Variants in ELP4 observed in about 807,000 individuals in gnomAD.
ELP4 encodes elongator acetyltransferase complex subunit 4.
A neutral mutation model predicts 48.9 loss-of-function variants in ELP4; 51 were observed. The ratio of observed to expected loss-of-function variants is 1.04; its 90% CI spans 0.83 to 1.32. The LOEUF (loss-of-function observed/expected upper bound fraction) is 1.32. ELP4 is among the 40% of genes most tolerant of loss of function. ELP4 has a pLI of 0.00. For synonymous variants in ELP4, 210 were observed against 189.2 expected (o/e 1.11, Z -0.90); for missense variants, 519 against 514.6 (o/e 1.01, Z -0.08).
At chr11:31,627,330 C>T (rs1944768164) in intron 6 of ELP4, 136 bp downstream of exon 6, 1 of 557,600 alleles carries the variant, frequency 1.8e-6, no homozygotes, top group Non-Finnish European at 3.2e-6. Context: ...AGAACATGTA[C>T]ATAAGCAGAG....
At chr11:31,582,377 C>G (rs1957406078) in intron 3 of ELP4, among the ~76,000 whole-genome samples, 1 of 152,066 alleles carries the variant, frequency 6.6e-6, no homozygotes, top group Non-Finnish European at 1.5e-5. Flanking sequence ...GGGATTTGAC[C>G]ACGTTGATCT....
At chr11:31,632,132 A>T in intron 6 of ELP4, 85 bp from the exon 7 acceptor site, 1 of 1,126,542 alleles carries the variant, frequency 8.9e-7, no homozygotes. Context: ...CCCTGATGTT[A>T]TAAAGATAAG....
intron 2 of ELP4, among the ~76,000 whole-genome samples, chr11:31,530,871 C>T (rs1956385701): frequency 6.6e-6 from 1 of 152,150 alleles, no homozygotes; most frequent in Non-Finnish European, 1.5e-5. Context: ...ATATTATCAT[C>T]AGGTTGGTTG....
At chr11:31,699,275 T>C (rs1449677732) in intron 9 of ELP4, among the ~76,000 whole-genome samples, 3 of 152,066 alleles carry the variant, frequency 2.0e-5, no homozygotes, top group African/African-American at 7.2e-5. Flanking sequence ...CTAAAATTTG[T>C]GCCAGAAAGT....
intron 9 of ELP4, among the ~76,000 whole-genome samples, chr11:31,660,201 A>G (rs554737091): frequency 2.0e-5 from 3 of 152,262 alleles, no homozygotes; most frequent in African/African-American, 7.2e-5. Flanking sequence ...CAAACTTTTC[A>G]CTTACATATT....
Position 31,787,333 on chromosome 11 carries a change from G to A in ELP4, c.*3809G>A, listed in dbSNP as rs1948724720. The A allele has an allele frequency of 2.1e-5, 5 of 233,362 alleles. No individual in the cohort carries two copies. The highest frequency in any genetic ancestry group is 3.6e-4 in the South Asian group (2 of 5,538). The allele number at this position is 233,362 out of a possible 1,614,324, so 14.5% of individuals were successfully genotyped here. On this transcript the variant is annotated 3_prime_UTR_variant, in exon 10 of 10. Transcript: ENST00000640961. ...ACACATACAGACCCTCCGCTCCCAC[G>A]TCACTCCTTTTCTCCCATTCCCACC...
rs779454495 is a variant in ELP4, at chr11:31,607,396, C to T, written c.653+3489C>T. On this transcript the variant is annotated intron_variant, in intron 5 of 9. Transcript: ENST00000640961. ...GGCAGGTGTGGTTGTCTGGTGAGGC[C>T]AGCACTCTGCTTCCAAGATGGCACC... is the stretch of plus-strand genomic sequence containing the variant. 5.3e-5 allele frequency among the ~76,000 whole-genome samples: 8 copies of T among 152,252 alleles called. No homozygotes were observed. The South Asian group carries it at 1.2e-3, about 24-fold the overall frequency.
chr11:31,558,465 A>C (rs1057148370), intron 3 of ELP4, among the ~76,000 whole-genome samples: 12 of 152,202 alleles, frequency 7.9e-5, no homozygotes, highest in Non-Finnish European at 1.8e-4. Flanking sequence ...TTTATTCATC[A>C]ATCAACAAAA....
At chr11:31,642,518 C>A (rs762903631) in intron 7 of ELP4, among the ~76,000 whole-genome samples, 1 of 151,632 alleles carries the variant, frequency 6.6e-6, no homozygotes, top group Non-Finnish European at 1.5e-5. Flanking sequence ...TTTGTGGATA[C>A]GTTTTGAGCT....
chr11:31,593,654 C>T (rs534656121), intron 3 of ELP4, among the ~76,000 whole-genome samples: 1 of 152,268 alleles, frequency 6.6e-6, no homozygotes, highest in South Asian at 2.1e-4. Context: ...TTGAACTGGA[C>T]ATTCTAGTTG....
At chr11:31,759,899 G>A (rs1182186945) in intron 9 of ELP4, among the ~76,000 whole-genome samples, 1 of 151,866 alleles carries the variant, frequency 6.6e-6, no homozygotes, top group African/African-American at 2.4e-5. Flanking sequence ...CAGAGACAGG[G>A]TTTCACTTGG....
chr11:31,527,855 G>A (rs979238048), intron 2 of ELP4, among the ~76,000 whole-genome samples: 12 of 151,890 alleles, frequency 7.9e-5, no homozygotes, highest in African/African-American at 2.4e-4. Context: ...TGACTATAAG[G>A]CCTTTAACAA....
At chr11:31,577,530 A>G (rs1957307394) in intron 3 of ELP4, among the ~76,000 whole-genome samples, 1 of 152,120 alleles carries the variant, frequency 6.6e-6, no homozygotes, top group Non-Finnish European at 1.5e-5. Flanking sequence ...ATGAACATCT[A>G]TGCAGAAATC....
At chr11:31,604,547 A>G (rs371323560) in intron 5 of ELP4, among the ~76,000 whole-genome samples, 2 of 151,974 alleles carry the variant, frequency 1.3e-5, no homozygotes, top group African/African-American at 2.4e-5. Context: ...AATGTATGTT[A>G]TAAAGTATTA....
At chr11:31,610,206 G>A (rs983960881) in intron 5 of ELP4, among the ~76,000 whole-genome samples, 27 of 152,140 alleles carry the variant, frequency 1.8e-4, no homozygotes, top group African/African-American at 6.5e-4. Context: ...TGATGGAAAG[G>A]CATCATGTAA....
At chr11:31,543,508 A>C (rs1229083027) in intron 3 of ELP4, among the ~76,000 whole-genome samples, 1 of 151,934 alleles carries the variant, frequency 6.6e-6, no homozygotes, top group Non-Finnish European at 1.5e-5. Flanking sequence ...TTTAGTAGAG[A>C]CGGGGTTTCA....
intron 4 of ELP4, chr11:31,600,227 G>A (rs929178365): frequency 6.6e-6 from 1 of 151,702 alleles, no homozygotes; most frequent in African/African-American, 2.4e-5. Context: ...TTCACCATGT[G>A]ATTTTAATTC....
chr11:31,542,989 T>C (rs948281803), intron 3 of ELP4, among the ~76,000 whole-genome samples: 3 of 151,978 alleles, frequency 2.0e-5, no homozygotes, highest in African/African-American at 7.2e-5. Flanking sequence ...GAGATGAAAA[T>C]ACAGTGACTG....
At chr11:31,629,518 A>G (rs1168966035) in intron 6 of ELP4, among the ~76,000 whole-genome samples, 1 of 151,954 alleles carries the variant, frequency 6.6e-6, no homozygotes, top group Non-Finnish European at 1.5e-5. Context: ...TTTTGGCTTA[A>G]TATTTTCATT....
Sources: allele counts gnomAD v4.1 joint callset (sites outside exome capture counted in the v4.1 genomes callset), GRCh38; gene constraint gnomAD v4.1.1; transcripts MANE v1.5; gene names NCBI Gene and HGNC (gene_info 2026-07-23, HGNC 2026-07-21).